The following PARP2 variants were observed in gnomAD, a reference collection of about 807,000 sequenced individuals.
PARP2 encodes the protein poly [ADP-ribose] polymerase 2.
A neutral mutation model predicts 77.8 loss-of-function variants in PARP2; 57 were observed. The observed-to-expected ratio is 0.73, with a 90% CI of 0.59 to 0.91. The LOEUF (loss-of-function observed/expected upper bound fraction) is 0.91. Ranked by LOEUF, PARP2 falls within the 40% of genes least tolerant of loss-of-function variation. The pLI is 0.00. For synonymous variants in PARP2, 226 were observed against 242.6 expected, an observed-to-expected ratio of 0.93 and a Z score of 0.64; for missense variants, 651 against 689.0, an observed-to-expected ratio of 0.94 and a Z score of 0.62.
At chr14:20,347,354 GTGTATATATATATATATATATATATA>G (rs1327253120) in intron 4 of PARP2, among the ~76,000 whole-genome samples, 2,583 of 43,878 alleles carry the variant, frequency 0.059, 86 homozygotes, top group South Asian at 0.16. Context: ...ATATGTGTGT[GTGTATATATATATATATATATATATA>G]TATATATATA....
chr14:20,354,155 G>T lies in PARP2; in HGVS notation c.671G>T (p.Arg224Leu). Residue 224 changes from arginine (R) to leucine (L), a missense_variant, in exon 8 of 16, where the codon CGG becomes CTG. Transcript: ENST00000429687. The part of the protein sequence containing the change: ...PLKPESQLDL[R>L]VQELIKLICN... Reference sequence around the variant, plus strand: ...AAGCCAGAGTCACAGCTAGATCTTCGGGTACAGGAGTTAATAAAGTTGATC... The same window carrying T: ...AAGCCAGAGTCACAGCTAGATCTTCTGGTACAGGAGTTAATAAAGTTGATC... 1 of 1,612,116 alleles carries T rather than the reference G, an allele frequency of 6.2e-7. No individual in the cohort carries two copies. The highest frequency in any genetic ancestry group is 2.2e-5 in the East Asian group (1 of 44,858).
At chr14:20,349,417 C>G (rs770931081) in intron 4 of PARP2, among the ~76,000 whole-genome samples, 5 of 152,138 alleles carry the variant, frequency 3.3e-5, no homozygotes, top group Non-Finnish European at 7.4e-5. Flanking sequence ...TGCCTAAAAT[C>G]CCAGCACTTT....
chr14:20,353,876 T>C (rs570719508), intron 7 of PARP2, among the ~76,000 whole-genome samples: 15 of 152,222 alleles, frequency 9.9e-5, no homozygotes, highest in Admixed American at 2.0e-4. Flanking sequence ...TCTATATCCA[T>C]GGATTCAATG....
At position 20,355,834 on chromosome 14, in the gene PARP2, G is replaced by C. The variant is rs755135375; in HGVS notation, c.966+19G>C. On this transcript the variant is annotated intron_variant, in intron 10 of 15. Transcript: ENST00000429687. ...ACTAGAGGTGAGATATGTATGATTT[G>C]AGAAGTATTATATCCCTTATACCAG... The C allele has an allele frequency of 1.1e-5, 18 of 1,613,040 alleles. 1 individual carries two copies. The Admixed American group carries it at 2.3e-4, about 21-fold the overall frequency.
chr14:20,356,088 C>A, intron 11 of PARP2, 57 bp downstream of exon 11: 1 of 1,573,576 alleles, frequency 6.4e-7, no homozygotes, highest in Non-Finnish European at 8.7e-7. Context: ...CCTCCCCCAT[C>A]CCACTGTTCT....
At chr14:20,345,843 AGG>A (rs1200739931) in intron 3 of PARP2, among the ~76,000 whole-genome samples, 6 of 152,172 alleles carry the variant, frequency 3.9e-5, no homozygotes, top group African/African-American at 1.4e-4. Flanking sequence ...TGGCAAAAGC[AGG>A]GGAGAGAGAG....
intron 7 of PARP2, among the ~76,000 whole-genome samples, chr14:20,353,272 C>T (rs527771168): frequency 3.3e-5 from 5 of 151,274 alleles, no homozygotes; most frequent in African/African-American, 9.7e-5. Context: ...TACGGAGTCT[C>T]GCTCTGTCGC....
Position 20,350,543 on chromosome 14 carries a change from C to T in PARP2, c.342C>T (p.Asn114=), listed in dbSNP as rs758563532. The change falls in exon 5 of 16, where the codon AAC becomes AAT. Residue 114 remains asparagine, a synonymous_variant. Coordinates refer to ENST00000429687, the MANE Select transcript of PARP2 (RefSeq NM_001042618.2). ...CAACATAGACCAATCTCCAGTTCAA[C>T]AACAACAAGTACTATCTGATTCAGC... The part of the protein sequence containing the change: ...VMLNQTNLQF[N]NNKYYLIQLL... 2 of 1,606,046 alleles carry T rather than the reference C, an allele frequency of 1.2e-6. No homozygotes were observed. The highest frequency in any genetic ancestry group is 3.3e-5 in the Admixed American group (2 of 59,966).
At chr14:20,350,698 C>T in intron 5 of PARP2, 76 bp downstream of exon 5, 1 of 917,822 alleles carries the variant, frequency 1.1e-6, no homozygotes, top group Non-Finnish European at 1.8e-6. Context: ...CCAAAGGATT[C>T]TCTGGGTTTA....
chr14:20,346,801 C>T, intron 3 of PARP2, 62 bp from the exon 4 acceptor site: 4 of 1,078,738 alleles, frequency 3.7e-6, no homozygotes, highest in Non-Finnish European at 5.7e-6. Flanking sequence ...TTTAGAGCCT[C>T]ATTTAGGATG....
In PARP2 at chr14:20,354,134, C is replaced by T; in HGVS notation, c.650C>T (p.Pro217Leu). Residue 217 changes from proline to leucine, a missense_variant, in exon 8 of 16, where the codon CCA becomes CTA. Pro to Leu is a moderately conservative substitution (Grantham distance 98, BLOSUM62 -3). Transcript: ENST00000429687. ...KEESLKSPLK[P>L]ESQLDLRVQE... ...GAATCTCTTAAATCTCCCTTGAAGC[C>T]AGAGTCACAGCTAGATCTTCGGGTA... The T allele has an allele frequency of 6.2e-7, 1 of 1,613,036 alleles. No homozygotes were observed. Among genetic ancestry groups the T allele is most frequent in the Non-Finnish European group, 8.5e-7 (1 of 1,179,104 alleles).
chr14:20,349,732 T>TC (rs1353887975), intron 4 of PARP2, among the ~76,000 whole-genome samples: 1 of 151,972 alleles, frequency 6.6e-6, no homozygotes, highest in Non-Finnish European at 1.5e-5. Flanking sequence ...CTTTTTTTTT[T>TC]CACCAGTGGG....
chr14:20,353,991 T>A lies in PARP2; in HGVS notation c.601-94T>A, dbSNP rs141664118. On this transcript the variant is annotated intron_variant, in intron 7 of 15. Coordinates refer to ENST00000429687, the MANE Select transcript of PARP2 (RefSeq NM_001042618.2). Reference sequence around the variant, plus strand: ...CCTAGACAGTGCAATATAAAAACTTTACAAAGCATTTACATTGTATAATAT... The same window carrying A: ...CCTAGACAGTGCAATATAAAAACTTAACAAAGCATTTACATTGTATAATAT... The A allele has an allele frequency of 9.1e-4, 952 of 1,041,474 alleles. 4 individuals carry two copies. In the African/African-American group the frequency reaches 0.012, roughly 13 times the overall value. The allele number at this position is 1,041,474 out of a possible 1,614,324, so 64.5% of individuals were successfully genotyped here. A position where few individuals can be genotyped will look rare whatever the true frequency, so the allele number is the denominator to read the frequency against.
chr14:20,350,940 TC>T, intron 5 of PARP2, 106 bp from the exon 6 acceptor site: 1 of 826,202 alleles, frequency 1.2e-6, no homozygotes, highest in Non-Finnish European at 2.0e-6. Flanking sequence ...CTTTCACCTT[TC>T]CCTTCTCCCT....
In PARP2 at chr14:20,349,166, T is replaced by C. The variant is rs55684636; in HGVS notation, c.325-1360T>C. On this transcript the variant is annotated intron_variant, in intron 4 of 15. Coordinates refer to ENST00000429687, the MANE Select transcript of PARP2 (RefSeq NM_001042618.2). Reference sequence around the variant, plus strand: ...CAGCCTGGGCAACATGGTGAAACCTTGTCTCTACAAAAAAATACAAAAACA... The same window carrying C: ...CAGCCTGGGCAACATGGTGAAACCTCGTCTCTACAAAAAAATACAAAAACA... Among the ~76,000 whole-genome samples, 354 of 151,910 alleles carry C rather than the reference T, an allele frequency of 2.3e-3. 2 individuals carry two copies. Among genetic ancestry groups the C allele is most frequent in the Non-Finnish European group, 3.9e-3 (265 of 67,956 alleles).
chr14:20,345,116 A>G (rs1253706886), intron 2 of PARP2, 29 bp downstream of exon 2: 1 of 1,613,220 alleles, frequency 6.2e-7, no homozygotes, highest in Non-Finnish European at 8.5e-7. Flanking sequence ...GGGCCAGCAA[A>G]AGGGTCTCTG....
At chr14:20,350,878 G>A in intron 5 of PARP2, 169 bp from the exon 6 acceptor site, 1 of 626,276 alleles carries the variant, frequency 1.6e-6, no homozygotes. Flanking sequence ...AGTGCTCATA[G>A]ACTATGGCAG....
In PARP2 at chr14:20,346,881, G is replaced by C; in HGVS notation, c.292G>C (p.Gly98Arg). The C allele has an allele frequency of 6.2e-7, 1 of 1,606,752 alleles. No homozygotes were observed. The highest frequency in any genetic ancestry group is 8.5e-7 in the Non-Finnish European group (1 of 1,174,614). ...TTTCTAGGCTCATGTGTATTGTGAA[G>C]GAAATGATGTCTATGATGTCATGCT... The part of the protein sequence containing the change: ...KVGKAHVYCE[G>R]NDVYDVMLNQ... The change falls in exon 4 of 16, where the codon GGA (glycine) becomes CGA (arginine). Residue 98 changes from glycine to arginine, a missense_variant. Physicochemically the swap from Gly to Arg is moderately radical, Grantham distance 125. Coordinates refer to ENST00000429687, the MANE Select transcript of PARP2 (RefSeq NM_001042618.2).
intron 6 of PARP2, 93 bp downstream of exon 6, chr14:20,351,215 G>A: frequency 2.4e-6 from 2 of 826,428 alleles, no homozygotes; most frequent in Admixed American, 2.2e-5. Context: ...TTTCACTCTT[G>A]TTGCCCAGGC....
Sources: allele counts gnomAD v4.1 joint callset (sites outside exome capture counted in the v4.1 genomes callset), GRCh38; gene constraint gnomAD v4.1.1; transcripts MANE v1.5; gene names NCBI Gene and HGNC (gene_info 2026-07-23, HGNC 2026-07-21).